C16orf74: variants seen among roughly 807,000 people sequenced by gnomAD.
C16orf74 encodes calcimembrin.
A neutral mutation model predicts 6.5 loss-of-function variants in C16orf74; 10 were observed. The observed-to-expected ratio is 1.54, with a 90% CI of 0.95 to 2.61. The LOEUF is 2.61. Ranked by LOEUF, C16orf74 falls within the 30% of genes most tolerant of loss-of-function variation. The pLI, the probability that C16orf74 is intolerant of heterozygous loss-of-function variation, is 0.00. For missense variants in C16orf74, 141 were observed against 105.9 expected (o/e 1.33, Z -1.45); for synonymous variants, 60 against 42.5 (o/e 1.41, Z -1.60).
intron 2 of C16orf74, among the ~76,000 whole-genome samples, chr16:85,726,845 C>G (rs1185154099): frequency 1.3e-5 from 2 of 152,178 alleles, no homozygotes; most frequent in African/African-American, 4.8e-5. Flanking sequence ...CTCCACCATG[C>G]ACGCCAGGCT....
intron 2 of C16orf74, among the ~76,000 whole-genome samples, chr16:85,712,831 T>C (rs1439413425): frequency 1.3e-5 from 2 of 152,184 alleles, no homozygotes; most frequent in Admixed American, 6.5e-5. Flanking sequence ...CCTTGGAATA[T>C]CTTGCCTGAT....
intron 1 of C16orf74, among the ~76,000 whole-genome samples, chr16:85,750,085 G>A (rs1463983706): frequency 6.6e-6 from 1 of 152,208 alleles, no homozygotes; most frequent in Non-Finnish European, 1.5e-5. Context: ...GTGACTCAGG[G>A]TATCCCTCTC....
intron 2 of C16orf74, among the ~76,000 whole-genome samples, chr16:85,712,079 C>T (rs183238967): frequency 6.6e-6 from 1 of 152,316 alleles, no homozygotes; most frequent in East Asian, 1.9e-4. Flanking sequence ...GGGAAGCCAG[C>T]CACCATGTTA....
At chr16:85,743,826 G>C (rs949527834) in intron 1 of C16orf74, 4 of 152,076 alleles carry the variant, frequency 2.6e-5, no homozygotes, top group Non-Finnish European at 5.9e-5. Context: ...GGCCGAGGCG[G>C]GCGGATCACG....
intron 1 of C16orf74, among the ~76,000 whole-genome samples, chr16:85,747,657 A>C (rs1302171598): frequency 1.3e-5 from 2 of 152,160 alleles, no homozygotes; most frequent in African/African-American, 4.8e-5. Context: ...AAAATATTTG[A>C]AGAGATTTAT....
intron 2 of C16orf74, among the ~76,000 whole-genome samples, chr16:85,724,669 G>C (rs1000106073): frequency 1.3e-5 from 2 of 152,134 alleles, no homozygotes; most frequent in Non-Finnish European, 2.9e-5. Flanking sequence ...GGGAATCATG[G>C]GGATGACGAG....
At chr16:85,708,216 G>A (rs1174666810) in intron 3 of C16orf74, 150 bp from the exon 4 acceptor site, 3 of 679,638 alleles carry the variant, frequency 4.4e-6, no homozygotes, top group African/African-American at 1.8e-5. Flanking sequence ...CAGTGATGCT[G>A]GATCCTTCTG....
intron 2 of C16orf74, among the ~76,000 whole-genome samples, chr16:85,713,391 GC>G (rs1400897363): frequency 1.3e-5 from 2 of 152,110 alleles, no homozygotes; most frequent in Non-Finnish European, 2.9e-5. Context: ...TCCTGTCTCA[GC>G]CTCCCAAGTA....
rs115955882 is a variant in C16orf74 at position 85,725,986 on chromosome 16, T to C, written c.28+9204A>G. Among the ~76,000 whole-genome samples the C allele has an allele frequency of 7.3e-3, 1,106 of 152,278 alleles. 10 individuals are homozygous for C. The highest frequency in any genetic ancestry group is 0.025 in the African/African-American group (1,053 of 41,546). ...CTCCTCCAGCTCAGCCCGGCCTCCA[T>C]ACCTGCCTCCTCGCTGCTCACCAGC... On this transcript the variant is annotated intron_variant, in intron 2 of 3. Coordinates refer to ENST00000284245, the MANE Select transcript of C16orf74 (RefSeq NM_206967.3).
chr16:85,708,966 G>T (rs1428263430), intron 3 of C16orf74, among the ~76,000 whole-genome samples: 1 of 152,264 alleles, frequency 6.6e-6, no homozygotes, highest in Non-Finnish European at 1.5e-5. Flanking sequence ...GGGGGCCACG[G>T]GGTGAAGTGC....
intron 1 of C16orf74, among the ~76,000 whole-genome samples, chr16:85,740,899 C>T (rs1598806655): frequency 6.7e-6 from 1 of 149,756 alleles, no homozygotes. Context: ...ATTTCCGTAA[C>T]TTAACTCTCA....
At chr16:85,740,758 G>A (rs2054297097) in intron 1 of C16orf74, among the ~76,000 whole-genome samples, 1 of 141,628 alleles carries the variant, frequency 7.1e-6, no homozygotes, top group Admixed American at 7.6e-5. Flanking sequence ...CAGCTACCTG[G>A]GAGATGGAGG....
chr16:85,736,392 C>G (rs987898574), intron 1 of C16orf74, among the ~76,000 whole-genome samples: 3 of 152,038 alleles, frequency 2.0e-5, no homozygotes, highest in East Asian at 3.9e-4. Flanking sequence ...GCACAAGGCC[C>G]CAGGGATTCC....
rs772762860 is a variant in C16orf74, at chr16:85,710,130, C to T, written c.172+34G>A. On this transcript the variant is annotated intron_variant, in intron 3 of 3. Coordinates refer to ENST00000284245, the MANE Select transcript of C16orf74 (RefSeq NM_206967.3). Reference sequence around the variant, plus strand: ...GCTGTCTCCACCGGGCCCCCACAGCCGACCCGGCTTGGCGGTGGAGGGGAC... The same window carrying T: ...GCTGTCTCCACCGGGCCCCCACAGCTGACCCGGCTTGGCGGTGGAGGGGAC... 8 of 1,379,074 alleles carry T rather than the reference C, an allele frequency of 5.8e-6. No individual in the cohort carries two copies. In the South Asian group the frequency reaches 7.1e-5, roughly 12 times the overall value. The allele number at this position is 1,379,074 out of a possible 1,614,324, so 85.4% of individuals were successfully genotyped here.
chr16:85,744,199 TG>T (rs2054343134), intron 1 of C16orf74: 1 of 105,696 alleles, frequency 9.5e-6, no homozygotes, highest in Non-Finnish European at 1.7e-5. Flanking sequence ...CACTCCAGCC[TG>T]GGCAACAAGA....
At chr16:85,717,811 GGGGCTTGACGTGGCTCC>G (rs2054040029) in intron 2 of C16orf74, among the ~76,000 whole-genome samples, 1 of 152,218 alleles carries the variant, frequency 6.6e-6, no homozygotes, top group African/African-American at 2.4e-5. Context: ...GAGCAGGGCT[GGGGCTTGACGTGGCTCC>G]AGGCCCCACT....
rs560757729 is a variant in C16orf74, at chr16:85,745,216, G to A, written c.-19+5710C>T. On this transcript the variant is annotated intron_variant, in intron 1 of 3. Coordinates refer to ENST00000284245, the MANE Select transcript of C16orf74 (RefSeq NM_206967.3). ...CGGATTCTCTCTGGTGACAAGGATG[G>A]GCAATGGGCAATTATAAAAACTGAC... Among the ~76,000 whole-genome samples, 4 of 151,314 alleles carry A rather than the reference G, an allele frequency of 2.6e-5. No homozygotes were observed. The East Asian group carries it at 7.7e-4, about 29-fold the overall frequency.
At chr16:85,725,179 T>C (rs386061) in intron 2 of C16orf74, among the ~76,000 whole-genome samples, 56,250 of 152,114 alleles carry the variant, frequency 0.37, 10,627 homozygotes, top group Middle Eastern at 0.49. Context: ...AAACAGGCTT[T>C]GATGATCCAC....
At chr16:85,715,580 A>G (rs1551150) in intron 2 of C16orf74, among the ~76,000 whole-genome samples, 100,848 of 152,136 alleles carry the variant, frequency 0.66, 33,717 homozygotes, top group East Asian at 0.86. Flanking sequence ...TGGGCCACAC[A>G]AACTACACAC....
Sources: allele counts gnomAD v4.1 joint callset (sites outside exome capture counted in the v4.1 genomes callset), GRCh38; gene constraint gnomAD v4.1.1; transcripts MANE v1.5; gene names NCBI Gene and HGNC (gene_info 2026-07-23, HGNC 2026-07-21).